The following PHF20 variants were observed in gnomAD, a reference collection of about 807,000 sequenced individuals.
PHF20 encodes the protein glioma-expressed antigen 2.
PHF20 carries 23 observed loss-of-function variants against 113.5 expected under a neutral mutation model. The ratio of observed to expected loss-of-function variants is 0.20; its 90% CI spans 0.15 to 0.29. The LOEUF (loss-of-function observed/expected upper bound fraction) is 0.29, where lower values mean the gene tolerates loss of function less well. Among genes scored for constraint, PHF20 ranks in the 10% least tolerant of loss-of-function variants. The pLI is 1.00. For synonymous variants in PHF20, 434 were observed against 457.3 expected (o/e 0.95, Z 0.65); for missense variants, 943 against 1,219.6 (o/e 0.77, Z 3.38).
chr20:35,850,296 G>GTTT lies in PHF20; in HGVS notation c.340+2889_340+2891dup, dbSNP rs554100863. Among the ~76,000 whole-genome samples, 66 of 62,360 alleles carry GTTT rather than the reference G, an allele frequency of 1.1e-3. 10 individuals are homozygous for GTTT. The highest frequency in any genetic ancestry group is 1.7e-3 in the Non-Finnish European group (53 of 30,370). The allele number at this position is 62,360 out of a possible 152,430, so 40.9% of individuals were successfully genotyped here. A position where few individuals can be genotyped will look rare whatever the true frequency, so the allele number is the denominator to read the frequency against. On this transcript the variant is annotated intron_variant, in intron 4 of 17. Coordinates refer to ENST00000374012, the MANE Select transcript of PHF20 (RefSeq NM_016436.5). ...CTGGGGCTGCTTAGCTTCCCCCTCC[G>GTTT]TTTTTTTTTTTTTTTTTTTTTTTTT...
rs1217986260 is a variant in PHF20 at position 35,858,610 on chromosome 20, G to C, written c.420+229G>C. Among the ~76,000 whole-genome samples, 6 of 152,094 alleles carry C rather than the reference G, an allele frequency of 3.9e-5. No individual in the cohort carries two copies. The South Asian group carries it at 1.2e-3, about 32-fold the overall frequency. ...TTTAGAAACAGAGTCCCGCTCTGTC[G>C]CCCAGGCTGGAGTACAATGGTGCGA... On this transcript the variant is annotated intron_variant, in intron 5 of 17. Coordinates refer to ENST00000374012, the MANE Select transcript of PHF20 (RefSeq NM_016436.5).
At chr20:35,815,507 C>G (rs745484082) in intron 2 of PHF20, among the ~76,000 whole-genome samples, 1 of 152,046 alleles carries the variant, frequency 6.6e-6, no homozygotes, top group Non-Finnish European at 1.5e-5. Flanking sequence ...GTGTGTCTCC[C>G]AGGCTGGAGT....
chr20:35,787,077 G>A (rs1039453525), intron 1 of PHF20, among the ~76,000 whole-genome samples: 2 of 147,220 alleles, frequency 1.4e-5, no homozygotes, highest in Non-Finnish European at 3.0e-5. Context: ...CTGCAGCCTT[G>A]AACCCCTGGG....
At chr20:35,903,077 C>CT (rs376888832) in intron 10 of PHF20, among the ~76,000 whole-genome samples, 9,580 of 60,012 alleles carry the variant, frequency 0.16, 1,468 homozygotes, top group African/African-American at 0.39. Context: ...CCTATCCTTT[C>CT]TTTTTTTTTT....
Position 35,941,036 on chromosome 20 carries a change from A to G in PHF20, c.2885A>G (p.Lys962Arg). ...ACGCACAGGATGGACTCCATTGAGAAGGAGTTGGATGGTAGGGCTCCTTCA... is the reference window on the plus strand; with the variant it reads ...ACGCACAGGATGGACTCCATTGAGAGGGAGTTGGATGGTAGGGCTCCTTCA... ...EVTHRMDSIE[K>R]ELDVLESWLD... The change falls in exon 17 of 18, where the codon AAG (lysine) becomes AGG (arginine). Residue 962 changes from lysine to arginine, a missense_variant. Coordinates refer to ENST00000374012, the MANE Select transcript of PHF20 (RefSeq NM_016436.5). 1.9e-6 allele frequency: 3 copies of G among 1,613,336 alleles called. No homozygotes were observed. The highest frequency in any genetic ancestry group is 2.5e-6 in the Non-Finnish European group (3 of 1,179,508).
chr20:35,903,491 C>A (rs1033104998), intron 10 of PHF20, among the ~76,000 whole-genome samples: 9 of 152,056 alleles, frequency 5.9e-5, no homozygotes, highest in African/African-American at 2.2e-4. Context: ...AGTGAGGGCA[C>A]AGTCTGATCA....
chr20:35,803,855 C>T (rs564554305), intron 2 of PHF20, among the ~76,000 whole-genome samples: 10 of 151,632 alleles, frequency 6.6e-5, no homozygotes, highest in South Asian at 6.3e-4. Context: ...TAACTCCGCA[C>T]CCTCCTCGCC....
intron 10 of PHF20, among the ~76,000 whole-genome samples, chr20:35,905,025 G>A (rs934320763): frequency 6.6e-6 from 1 of 151,712 alleles, no homozygotes; most frequent in Non-Finnish European, 1.5e-5. Flanking sequence ...GGGCTTCTCC[G>A]TGTTGGTCAG....
intron 4 of PHF20, among the ~76,000 whole-genome samples, chr20:35,853,896 A>G (rs1229017377): frequency 6.6e-6 from 1 of 151,816 alleles, no homozygotes; most frequent in Non-Finnish European, 1.5e-5. Flanking sequence ...CTGGGATTAC[A>G]GGCACTCACC....
At chr20:35,802,335 C>A (rs779512107) in intron 2 of PHF20, among the ~76,000 whole-genome samples, 1 of 151,568 alleles carries the variant, frequency 6.6e-6, no homozygotes, top group Non-Finnish European at 1.5e-5. Flanking sequence ...GAACTTATAC[C>A]TCTTTAAGGG....
At chr20:35,916,354 A>C (rs1941294835) in intron 12 of PHF20, among the ~76,000 whole-genome samples, 1 of 152,254 alleles carries the variant, frequency 6.6e-6, no homozygotes, top group Admixed American at 6.5e-5. Context: ...CTTCAGAACA[A>C]GCGCTTAGTA....
At chr20:35,777,034 C>T (rs918231307) in intron 1 of PHF20, among the ~76,000 whole-genome samples, 1 of 152,148 alleles carries the variant, frequency 6.6e-6, no homozygotes, top group African/African-American at 2.4e-5. Flanking sequence ...GCTGAGGCAG[C>T]CAGCTTGTTC....
At chr20:35,849,026 A>G (rs1415416288) in intron 4 of PHF20, among the ~76,000 whole-genome samples, 3 of 152,200 alleles carry the variant, frequency 2.0e-5, no homozygotes, top group Admixed American at 1.3e-4. Context: ...ATTGAAGGAC[A>G]TGAAAATGAA....
At chr20:35,874,360 C>T (rs1042298146) in intron 9 of PHF20, among the ~76,000 whole-genome samples, 4 of 152,224 alleles carry the variant, frequency 2.6e-5, no homozygotes, top group Admixed American at 6.5e-5. Flanking sequence ...AAGCGACAGT[C>T]ATATTTACAC....
chr20:35,780,256 C>T (rs570383878), intron 1 of PHF20, among the ~76,000 whole-genome samples: 171 of 139,422 alleles, frequency 1.2e-3, no homozygotes, highest in African/African-American at 4.4e-3. Flanking sequence ...GACGGAGTCT[C>T]ACATTGTTGC....
chr20:35,803,372 G>A (rs1215543358), intron 2 of PHF20, among the ~76,000 whole-genome samples: 2 of 150,790 alleles, frequency 1.3e-5, no homozygotes, highest in Non-Finnish European at 3.0e-5. Flanking sequence ...CATTCAGGCT[G>A]GAGTGTAGTG....
At position 35,841,645 on chromosome 20, in the gene PHF20, CTG is replaced by C. The variant is rs369229450; in HGVS notation, c.84-926_84-925del. Among the ~76,000 whole-genome samples the C allele has an allele frequency of 4.3e-4, 65 of 151,986 alleles. 1 individual carries two copies. In the Middle Eastern group the frequency reaches 0.017, roughly 40 times the overall value. ...ATTAGCTGGGTGTGGTGGCACGTAC[CTG>C]TAGTCCCAGATACTCAGGAAGCTGA... On this transcript the variant is annotated intron_variant, in intron 2 of 17. Transcript: ENST00000374012.
chr20:35,813,134 A>T (rs1022257292), intron 2 of PHF20, among the ~76,000 whole-genome samples: 1 of 151,368 alleles, frequency 6.6e-6, no homozygotes, highest in African/African-American at 2.4e-5. Context: ...CGCCCGGCTA[A>T]TTTTTTTTGT....
At chr20:35,827,454 AC>A (rs1338737291) in intron 2 of PHF20, among the ~76,000 whole-genome samples, 19 of 152,214 alleles carry the variant, frequency 1.2e-4, no homozygotes. Context: ...GGATGTGGTG[AC>A]TGCAGGAATG....
Sources: allele counts gnomAD v4.1 joint callset (sites outside exome capture counted in the v4.1 genomes callset), GRCh38; gene constraint gnomAD v4.1.1; transcripts MANE v1.5; gene names NCBI Gene and HGNC (gene_info 2026-07-23, HGNC 2026-07-21).